SGCZ: variants seen among roughly 807,000 people sequenced by gnomAD.
The protein encoded by SGCZ is sarcoglycan zeta.
In SGCZ, 40 loss-of-function variants were observed where a neutral mutation model predicts 41.3. That is an observed-to-expected ratio of 0.97 (90% CI 0.75 to 1.26). SGCZ has a LOEUF of 1.26. Ranked by LOEUF, SGCZ falls within the 50% of genes most tolerant of loss-of-function variation. The pLI, the probability that SGCZ is intolerant of heterozygous loss-of-function variation, is 0.00. For missense variants in SGCZ, 552 were observed against 369.8 expected, an observed-to-expected ratio of 1.49 and a Z score of -4.04; for synonymous variants, 206 against 137.5, an observed-to-expected ratio of 1.50 and a Z score of -3.49.
chr8:15,103,470 A>G (rs1464114204), intron 1 of SGCZ, among the ~76,000 whole-genome samples: 1 of 152,066 alleles, frequency 6.6e-6, no homozygotes, highest in African/African-American at 2.4e-5. Flanking sequence ...GTTTTATAGA[A>G]GTAAAATCTC....
chr8:14,479,727 ACTTCTTTTTTTTT>A (rs1363600215), intron 2 of SGCZ, among the ~76,000 whole-genome samples: 7,166 of 109,328 alleles, frequency 0.066, 258 homozygotes, highest in Middle Eastern at 0.11. Context: ...CCAGAATTCT[ACTTCTTTTTTTTT>A]TTTTTTTTTT....
At chr8:15,075,136 T>TAG (rs767635219) in intron 1 of SGCZ, among the ~76,000 whole-genome samples, 1 of 151,974 alleles carries the variant, frequency 6.6e-6, no homozygotes, top group African/African-American at 2.4e-5. Flanking sequence ...TAAACATCTT[T>TAG]CTTTATATAT....
chr8:14,571,503 G>C (rs1216737940), intron 1 of SGCZ, among the ~76,000 whole-genome samples: 1 of 152,106 alleles, frequency 6.6e-6, no homozygotes, highest in Non-Finnish European at 1.5e-5. Context: ...ATTCTGTGTG[G>C]TGACCAAAGC....
At chr8:14,730,885 C>G (rs912110002) in intron 1 of SGCZ, among the ~76,000 whole-genome samples, 1 of 151,642 alleles carries the variant, frequency 6.6e-6, no homozygotes, top group Non-Finnish European at 1.5e-5. Flanking sequence ...AGTCAGGGAA[C>G]AAGATGCTGG....
intron 1 of SGCZ, among the ~76,000 whole-genome samples, chr8:15,061,138 C>T (rs370004652): frequency 7.0e-6 from 1 of 143,152 alleles, no homozygotes; most frequent in South Asian, 2.2e-4. Context: ...TGAATGTATC[C>T]CCCCAAACTC....
At chr8:15,046,562 C>T (rs1804307945) in intron 1 of SGCZ, among the ~76,000 whole-genome samples, 1 of 151,894 alleles carries the variant, frequency 6.6e-6, no homozygotes, top group African/African-American at 2.4e-5. Context: ...TCTTCCCTTC[C>T]AGTGGAGTAA....
intron 1 of SGCZ, among the ~76,000 whole-genome samples, chr8:14,884,756 T>C (rs1804726954): frequency 6.6e-6 from 1 of 152,200 alleles, no homozygotes; most frequent in African/African-American, 2.4e-5. Context: ...AGTAACATTA[T>C]ATTTTATGTT....
chr8:14,482,885 A>T (rs963386254), intron 2 of SGCZ, among the ~76,000 whole-genome samples: 1 of 151,950 alleles, frequency 6.6e-6, no homozygotes, highest in Non-Finnish European at 1.5e-5. Flanking sequence ...AATTAACACC[A>T]CTGGCTCCCC....
intron 2 of SGCZ, among the ~76,000 whole-genome samples, chr8:14,518,694 T>C (rs911279281): frequency 1.1e-4 from 17 of 152,044 alleles, no homozygotes; most frequent in Non-Finnish European, 2.2e-4. Context: ...CGTTATTAAG[T>C]ACAGTTTAGT....
intron 1 of SGCZ, among the ~76,000 whole-genome samples, chr8:15,079,607 C>T (rs1471698828): frequency 2.0e-5 from 3 of 152,176 alleles, no homozygotes; most frequent in Non-Finnish European, 4.4e-5. Flanking sequence ...TTGGTGCATT[C>T]ATTTTGTAGA....
chr8:15,106,404 G>A (rs911067609), intron 1 of SGCZ, among the ~76,000 whole-genome samples: 3 of 151,800 alleles, frequency 2.0e-5, no homozygotes, highest in African/African-American at 7.3e-5. Context: ...CCTTTTCATT[G>A]ATTCAAATCT....
chr8:14,937,876 A>C (rs1800134809), intron 1 of SGCZ, among the ~76,000 whole-genome samples: 1 of 152,142 alleles, frequency 6.6e-6, no homozygotes. Context: ...TGATATTTTT[A>C]AAAATTCATG....
intron 2 of SGCZ, among the ~76,000 whole-genome samples, chr8:14,500,373 A>C (rs893450996): frequency 2.0e-5 from 3 of 152,036 alleles, no homozygotes; most frequent in Non-Finnish European, 4.4e-5. Flanking sequence ...AAGCAGAGCA[A>C]ATAAGCAACA....
At chr8:14,869,258 T>C (rs971188571) in intron 1 of SGCZ, among the ~76,000 whole-genome samples, 1 of 152,180 alleles carries the variant, frequency 6.6e-6, no homozygotes, top group Non-Finnish European at 1.5e-5. Context: ...GTTGACGTCA[T>C]CCCTGGGATG....
At chr8:15,123,216 A>C (rs1807554160) in intron 1 of SGCZ, among the ~76,000 whole-genome samples, 1 of 152,136 alleles carries the variant, frequency 6.6e-6, no homozygotes, top group African/African-American at 2.4e-5. Flanking sequence ...TTTTTCCAGG[A>C]GCATGCTTCA....
At chr8:14,987,094 T>A (rs952820005) in intron 1 of SGCZ, among the ~76,000 whole-genome samples, 1 of 151,908 alleles carries the variant, frequency 6.6e-6, no homozygotes, top group African/African-American at 2.4e-5. Flanking sequence ...AAAGACAGTA[T>A]AGCAAAGAAG....
intron 1 of SGCZ, among the ~76,000 whole-genome samples, chr8:14,598,773 C>T (rs575873236): frequency 4.5e-4 from 68 of 152,154 alleles, no homozygotes; most frequent in Admixed American, 8.5e-4. Context: ...TAAGCAATCG[C>T]CTGACTTGGC....
chr8:15,138,846 C>G (rs1247553605), intron 1 of SGCZ, among the ~76,000 whole-genome samples: 1 of 151,966 alleles, frequency 6.6e-6, no homozygotes, highest in Non-Finnish European at 1.5e-5. Flanking sequence ...GGACGGAGAA[C>G]CAAAAGGAAG....
chr8:14,759,449 C>G (rs571520754), intron 1 of SGCZ, among the ~76,000 whole-genome samples: 3 of 152,152 alleles, frequency 2.0e-5, no homozygotes, highest in Non-Finnish European at 4.4e-5. Context: ...AACCACAACA[C>G]ATTTAATATT....
Sources: allele counts gnomAD v4.1 joint callset (sites outside exome capture counted in the v4.1 genomes callset), GRCh38; gene constraint gnomAD v4.1.1; transcripts MANE v1.5; gene names NCBI Gene and HGNC (gene_info 2026-07-23, HGNC 2026-07-21).